IPO8: variants seen among roughly 807,000 people sequenced by gnomAD.
IPO8 encodes importin-8.
Under a neutral mutation model 141.2 loss-of-function variants are expected in IPO8, and 65 were observed. The ratio of observed to expected loss-of-function variants is 0.46; its 90% CI spans 0.38 to 0.57. The LOEUF (loss-of-function observed/expected upper bound fraction) is 0.57. Among genes scored for constraint, IPO8 ranks in the 20% least tolerant of loss-of-function variants. IPO8 has a pLI of 0.00. For missense variants in IPO8, 980 were observed against 1,246.8 expected, an observed-to-expected ratio of 0.79 and a Z score of 3.22; for synonymous variants, 411 against 420.3, an observed-to-expected ratio of 0.98 and a Z score of 0.27.
chr12:30,684,915 T>C (rs1024772404), intron 2 of IPO8, among the ~76,000 whole-genome samples: 1 of 152,158 alleles, frequency 6.6e-6, no homozygotes, highest in African/African-American at 2.4e-5. Context: ...ATCCAACCTT[T>C]TTGAAATATG....
chr12:30,655,990 T>G (rs80117495), intron 17 of IPO8, among the ~76,000 whole-genome samples: 5,922 of 152,262 alleles, frequency 0.039, 364 homozygotes, highest in African/African-American at 0.13. Context: ...ACATCTAGCA[T>G]TAGTTACTGA....
intron 1 of IPO8, among the ~76,000 whole-genome samples, chr12:30,691,314 A>T (rs533793756): frequency 6.8e-4 from 103 of 152,292 alleles, no homozygotes; most frequent in Non-Finnish European, 1.8e-4. Context: ...GGGGTTGAGC[A>T]CACTGTCATC....
intron 21 of IPO8, among the ~76,000 whole-genome samples, chr12:30,639,269 T>TA (rs1445344101): frequency 2.6e-5 from 4 of 151,744 alleles, no homozygotes; most frequent in East Asian, 1.9e-4. Context: ...CACTTGTGTT[T>TA]AAAAAAAATA....
In IPO8 at chr12:30,695,047, A is replaced by T. The variant is rs1181725268; in HGVS notation, c.84+517T>A. 5 of 456,574 alleles carry T rather than the reference A, an allele frequency of 1.1e-5. No homozygotes were observed. In the East Asian group the frequency reaches 3.5e-4, roughly 32 times the overall value. 28.3% of individuals were successfully genotyped at this position (456,574 alleles called of 1,614,324 possible). ...ATTCTTCCCAGAGCACTCTCCCAAC[A>T]GCACTGCCCAGCGCTCCGCAAAACT... On this transcript the variant is annotated intron_variant, in intron 1 of 24. Coordinates refer to ENST00000256079, the MANE Select transcript of IPO8 (RefSeq NM_006390.4). The surrounding 1 kb of genome is among the most constrained non-coding windows in gnomAD (Gnocchi z 4.2).
chr12:30,635,740 G>A (rs779053741), intron 22 of IPO8, among the ~76,000 whole-genome samples: 6 of 151,996 alleles, frequency 3.9e-5, no homozygotes, highest in Non-Finnish European at 8.8e-5. Flanking sequence ...GTAGTTTTAG[G>A]AATAAGGCAC....
intron 23 of IPO8, 51 bp downstream of exon 23, chr12:30,634,032 A>G (rs2052468478): frequency 6.6e-7 from 1 of 1,508,814 alleles, no homozygotes; most frequent in Non-Finnish European, 9.1e-7. Flanking sequence ...AGAAATGAAG[A>G]AAGAGTTTAG....
At chr12:30,666,273 A>G in intron 10 of IPO8, 22 bp from the exon 11 acceptor site, 1 of 1,495,472 alleles carries the variant, frequency 6.7e-7, no homozygotes, top group Non-Finnish European at 9.1e-7. Flanking sequence ...AAAGGTTAAA[A>G]CCATGTTAGT....
intron 20 of IPO8, among the ~76,000 whole-genome samples, chr12:30,641,067 T>G (rs974086498): frequency 6.6e-6 from 1 of 152,184 alleles, no homozygotes; most frequent in East Asian, 1.9e-4. Context: ...AATTGTGAAG[T>G]TTTAGAACTA....
At chr12:30,675,389 G>T (rs1278145916) in intron 6 of IPO8, among the ~76,000 whole-genome samples, 1 of 152,144 alleles carries the variant, frequency 6.6e-6, no homozygotes, top group African/African-American at 2.4e-5. Flanking sequence ...AGAGCACTCT[G>T]CAAGATTAGT....
In IPO8 at chr12:30,644,661, T is replaced by G. The variant is rs1310145517; in HGVS notation, c.2268+4476A>C. Reference sequence around the variant, plus strand: ...TGGTGTTTTTTTTTTTTGTTTTTTTTTTTTTTTGGAGACAGAGGAATTTTG... The same window carrying G: ...TGGTGTTTTTTTTTTTTGTTTTTTTGTTTTTTTGGAGACAGAGGAATTTTG... On this transcript the variant is annotated intron_variant, in intron 20 of 24. Transcript: ENST00000256079. Among the ~76,000 whole-genome samples, 3 of 151,378 alleles carry G rather than the reference T, an allele frequency of 2.0e-5. 1 individual carries two copies. Among genetic ancestry groups the G allele is most frequent in the South Asian group, 4.2e-4 (2 of 4,778 alleles).
At chr12:30,640,723 T>C (rs1174691821) in intron 20 of IPO8, among the ~76,000 whole-genome samples, 1 of 152,162 alleles carries the variant, frequency 6.6e-6, no homozygotes, top group Non-Finnish European at 1.5e-5. Flanking sequence ...GAAAAGCTCT[T>C]TTTGAGATGT....
chr12:30,662,187 C>T (rs900621761), intron 15 of IPO8, 140 bp downstream of exon 15: 15 of 637,230 alleles, frequency 2.4e-5, no homozygotes, highest in Non-Finnish European at 3.6e-5. Flanking sequence ...AGTGCACCAT[C>T]GTATATGCAA....
At position 30,695,567 on chromosome 12, in the gene IPO8, G is replaced by A; in HGVS notation, c.81C>T (p.Asn27=). The change falls in exon 1 of 25, where the codon AAC becomes AAT. Residue 27 remains asparagine (N), a synonymous_variant. Coordinates refer to ENST00000256079, the MANE Select transcript of IPO8 (RefSeq NM_006390.4). The surrounding 1 kb of genome is among the most constrained non-coding windows in gnomAD (Gnocchi z 4.2). ...TCGCCGAAGACCCTCTCCTCACCTG[G>A]TTGAGCTCGTTCTCGGCTGCAATCC... ...KLRIAAENEL[N]QSYKIINFAP... The A allele has an allele frequency of 6.2e-7, 1 of 1,613,928 alleles. No homozygotes were observed. Among genetic ancestry groups the A allele is most frequent in the Non-Finnish European group, 8.5e-7 (1 of 1,179,862 alleles).
At chr12:30,669,759 C>T (rs2053022569) in intron 9 of IPO8, among the ~76,000 whole-genome samples, 1 of 115,872 alleles carries the variant, frequency 8.6e-6, no homozygotes, top group Non-Finnish European at 1.8e-5. Flanking sequence ...GAGTGAGACT[C>T]CAGCTCCAAA....
chr12:30,664,243 G>A lies in IPO8; in HGVS notation c.1429-589C>T, dbSNP rs1001076782. On this transcript the variant is annotated intron_variant, in intron 13 of 24. Coordinates refer to ENST00000256079, the MANE Select transcript of IPO8 (RefSeq NM_006390.4). Reference sequence around the variant, plus strand: ...TCACAATTCATATAACTTCTCAAAGGTAGGAGCCCCACTGTAAAAATGCTC... The same window carrying A: ...TCACAATTCATATAACTTCTCAAAGATAGGAGCCCCACTGTAAAAATGCTC... 9.9e-5 allele frequency among the ~76,000 whole-genome samples: 15 copies of A among 152,110 alleles called. 1 individual carries two copies. The highest frequency in any genetic ancestry group is 3.6e-4 in the African/African-American group (15 of 41,412).
rs1250153815 is a variant in IPO8, at chr12:30,649,220, C to A, written c.2185G>T (p.Asp729Tyr). The change falls in exon 20 of 25, where the codon GAT becomes TAT. Residue 729 changes from aspartate to tyrosine, a missense_variant. Coordinates refer to ENST00000256079, the MANE Select transcript of IPO8 (RefSeq NM_006390.4). ...TGACACTCTGCATCTTCTCCTGCATCTCCACATAGTACCTGCAGTAATTAC... is the reference window on the plus strand; with the variant it reads ...TGACACTCTGCATCTTCTCCTGCATATCCACATAGTACCTGCAGTAATTAC... ...FTMCRKVLCG[D>Y]AGEDAECHAA... 6.2e-7 allele frequency: 1 copy of A among 1,612,274 alleles called. No homozygotes were observed. The highest frequency in any genetic ancestry group is 8.5e-7 in the Non-Finnish European group (1 of 1,178,698).
chr12:30,689,129 T>C (rs1021347232), intron 2 of IPO8, among the ~76,000 whole-genome samples: 1 of 151,732 alleles, frequency 6.6e-6, no homozygotes, highest in Non-Finnish European at 1.5e-5. Context: ...ATGTGTAATA[T>C]AAAAAAAAGA....
chr12:30,690,688 A>G, intron 1 of IPO8, 111 bp from the exon 2 acceptor site: 1 of 567,986 alleles, frequency 1.8e-6, no homozygotes, highest in South Asian at 3.4e-5. Context: ...AAACTTTTAA[A>G]CTGAGACAAA....
chr12:30,664,331 T>C (rs1477662535), intron 13 of IPO8, among the ~76,000 whole-genome samples: 2 of 152,248 alleles, frequency 1.3e-5, no homozygotes, highest in Admixed American at 6.5e-5. Context: ...TATTATTTTA[T>C]AAAATGCTTT....
Sources: allele counts gnomAD v4.1 joint callset (sites outside exome capture counted in the v4.1 genomes callset), GRCh38; gene constraint gnomAD v4.1.1; non-coding constraint Gnocchi (gnomAD v3.1); transcripts MANE v1.5; gene names NCBI Gene and HGNC (gene_info 2026-07-23, HGNC 2026-07-21).